The following CEP72 variants were observed in gnomAD, a reference collection of about 807,000 sequenced individuals.
CEP72 encodes centrosomal protein 72.
In CEP72, 78 loss-of-function variants were observed where a neutral mutation model predicts 65.7. The observed-to-expected ratio is 1.19, with a 90% CI of 0.99 to 1.43. The LOEUF (loss-of-function observed/expected upper bound fraction) is 1.43, where lower values mean the gene tolerates loss of function less well. Ranked by LOEUF, CEP72 falls within the 40% of genes most tolerant of loss-of-function variation. CEP72 has a pLI of 0.00. For synonymous variants in CEP72, 358 were observed against 351.7 expected (o/e 1.02, Z -0.20); for missense variants, 914 against 832.9 (o/e 1.10, Z -1.20).
At chr5:642,776 G>A (rs926764597) in intron 9 of CEP72, 20 of 985,374 alleles carry the variant, frequency 2.0e-5, no homozygotes, top group Non-Finnish European at 2.2e-5. Context: ...GGAACCCCGC[G>A]GAGGGAGCAG....
intron 6 of CEP72, 111 bp from the exon 7 acceptor site, chr5:637,406 G>C (rs1050789244): frequency 2.6e-5 from 23 of 881,632 alleles, no homozygotes; most frequent in African/African-American, 2.3e-4. Context: ...GTGCGTGTGT[G>C]TCCATGTGTG....
Position 647,875 on chromosome 5 carries a change from CAA to C in CEP72, c.1738_1739del (p.Lys580AspfsTer20). On this transcript the variant is annotated frameshift_variant, in exon 11 of 12. Coordinates refer to ENST00000264935, the MANE Select transcript of CEP72 (RefSeq NM_018140.4). LOFTEE classifies it high-confidence loss of function. ...ELKQHLEHYD[K>X]IQELTQMLQE... is the part of the protein sequence containing the mutation. ...TGAAGCAGCACCTGGAGCACTACGA[CAA>C]GATCCAGGAGCTCACGCAGATGCTG... 1 of 1,612,528 alleles carries C rather than the reference CAA, an allele frequency of 6.2e-7. No homozygotes were observed. The highest frequency in any genetic ancestry group is 8.5e-7 in the Non-Finnish European group (1 of 1,179,880).
chr5:644,471 A>G, intron 10 of CEP72, 46 bp downstream of exon 10: 1 of 1,600,548 alleles, frequency 6.2e-7, no homozygotes, highest in Non-Finnish European at 8.6e-7. Flanking sequence ...TTAGGTGTTC[A>G]AATGTGCCTA....
intron 5 of CEP72, among the ~76,000 whole-genome samples, chr5:635,012 C>T (rs546382225): frequency 6.6e-6 from 1 of 152,240 alleles, no homozygotes; most frequent in Non-Finnish European, 1.5e-5. Context: ...TCTCCTGCCT[C>T]AGCCTCCCAA....
intron 3 of CEP72, chr5:665,846 A>C (rs1314057834): frequency 5.7e-4 from 64 of 111,462 alleles, no homozygotes; most frequent in Non-Finnish European, 7.0e-4. Flanking sequence ...GCCTCCCAGG[A>C]CCCCCCCCAG....
chr5:642,495 C>T (rs1205530259), intron 9 of CEP72: 1 of 985,396 alleles, frequency 1.0e-6, no homozygotes, highest in Non-Finnish European at 1.2e-6. Context: ...GTCAGGCACA[C>T]CCCTTGCCCT....
intron 4 of CEP72, among the ~76,000 whole-genome samples, chr5:628,528 C>T (rs985520499): frequency 1.3e-5 from 2 of 149,566 alleles, no homozygotes; most frequent in African/African-American, 4.9e-5. Flanking sequence ...CTTCTTTGTG[C>T]AGCTTCTGGA....
chr5:650,785 T>G (rs371046560), intron 11 of CEP72, among the ~76,000 whole-genome samples: 2 of 20,258 alleles, frequency 9.9e-5, no homozygotes, highest in Non-Finnish European at 1.5e-4. Flanking sequence ...GACTGTGAGG[T>G]GTGACTGTGA....
chr5:625,252 C>G (rs544748011), intron 4 of CEP72, among the ~76,000 whole-genome samples: 96 of 152,368 alleles, frequency 6.3e-4, no homozygotes, highest in South Asian at 5.8e-3. Flanking sequence ...TCAGTGGACT[C>G]TGTCTGCATA....
chr5:640,698 T>C, intron 9 of CEP72, 94 bp downstream of exon 9: 1 of 1,463,226 alleles, frequency 6.8e-7, no homozygotes, highest in Non-Finnish European at 9.0e-7. Context: ...GATGCCACAC[T>C]GTCCCAACTG....
chr5:649,056 T>C, intron 11 of CEP72, among the ~76,000 whole-genome samples: 1 of 144,830 alleles, frequency 6.9e-6, no homozygotes, highest in Admixed American at 6.9e-5. Flanking sequence ...GAGGTGTGAC[T>C]GTGAGGTGTG....
chr5:642,156 T>G (rs1486751477), intron 9 of CEP72: 1 of 890,700 alleles, frequency 1.1e-6, no homozygotes, highest in African/African-American at 2.1e-5. Context: ...ACACACGTGG[T>G]CCCCCGTCTA....
At chr5:673,053 T>C in the CEP72 span, among the ~76,000 whole-genome samples, 2 of 152,264 alleles carry the variant, frequency 1.3e-5, no homozygotes, top group African/African-American at 4.8e-5. Flanking sequence ...TCAGCAGCTT[T>C]CTGCAGTACC....
In CEP72 at chr5:636,577, G is replaced by A. The variant is rs562656208; in HGVS notation, c.905-940G>A. Among the ~76,000 whole-genome samples the A allele has an allele frequency of 2.5e-3, 379 of 152,238 alleles. 1 individual carries two copies. Among genetic ancestry groups the A allele is most frequent in the Non-Finnish European group, 4.3e-3 (293 of 67,994 alleles). On this transcript the variant is annotated intron_variant, in intron 6 of 11. Coordinates refer to ENST00000264935, the MANE Select transcript of CEP72 (RefSeq NM_018140.4). Reference sequence around the variant, plus strand: ...TATAATCCCAATATTTTGGGAGGCCGAGGCAGGCGGATCATTTGAGGTCAG... The same window carrying A: ...TATAATCCCAATATTTTGGGAGGCCAAGGCAGGCGGATCATTTGAGGTCAG...
rs201683642 is a variant in CEP72, at chr5:652,974, CTGT to C, written c.1779-9_1779-7del. ...ACGGAAGTGCCAAGCAGCCGCTTCCCTGTTGTTCTGCAGCTCCCTGGTCAGCAC... is the reference window on the plus strand; with the variant it reads ...ACGGAAGTGCCAAGCAGCCGCTTCCCTGTTCTGCAGCTCCCTGGTCAGCAC... On this transcript the variant is annotated splice_polypyrimidine_tract_variant and intron_variant, in intron 11 of 11. Coordinates refer to ENST00000264935, the MANE Select transcript of CEP72 (RefSeq NM_018140.4). The C allele has an allele frequency of 7.9e-3, 12,656 of 1,594,768 alleles. 59 individuals carry two copies. The highest frequency in any genetic ancestry group is 9.4e-3 in the Non-Finnish European group (10,960 of 1,170,164).
chr5:667,904 C>A (rs1467223602), downstream of CEP72, among the ~76,000 whole-genome samples: 2 of 73,258 alleles, frequency 2.7e-5, no homozygotes, highest in Admixed American at 2.4e-4. Context: ...GTGTGGGCGC[C>A]GTCAGGGAAG....
At chr5:637,874 C>T in intron 7 of CEP72, 56 bp downstream of exon 7, 4 of 1,436,168 alleles carry the variant, frequency 2.8e-6, no homozygotes, top group Non-Finnish European at 3.7e-6. Flanking sequence ...TAATGTGGGG[C>T]TGTTACGGCT....
chr5:636,538 C>T (rs991267426), intron 6 of CEP72, among the ~76,000 whole-genome samples: 7 of 152,214 alleles, frequency 4.6e-5, no homozygotes, highest in African/African-American at 1.7e-4. Context: ...AGGCCAGACA[C>T]GGTGGCTCAC....
chr5:637,705 G>A lies in CEP72; in HGVS notation c.1093G>A (p.Glu365Lys). The change falls in exon 7 of 12, where the codon GAG becomes AAG. Residue 365 changes from glutamate (E) to lysine (K), a missense_variant. Glu to Lys is a moderately conservative substitution (Grantham distance 56, BLOSUM62 1). Transcript: ENST00000264935. The stretch of plus-strand genomic sequence containing the variant: ...AACTCATGGGTCCTCCGTGCCCAAG[G>A]AGAGCCTGAGCAGACAGGACAGCTC... ...ERTHGSSVPKESLSRQDSSES... is the reference protein window; with the variant it reads ...ERTHGSSVPKKSLSRQDSSES... 1 of 1,613,764 alleles carries A rather than the reference G, an allele frequency of 6.2e-7. No individual in the cohort carries two copies.
Sources: allele counts gnomAD v4.1 joint callset (sites outside exome capture counted in the v4.1 genomes callset), GRCh38; gene constraint gnomAD v4.1.1; transcripts MANE v1.5; gene names NCBI Gene and HGNC (gene_info 2026-07-23, HGNC 2026-07-21).